Variants in SNX29 observed in about 807,000 individuals in gnomAD.
SNX29 encodes sorting nexin 29.
In SNX29, 78 loss-of-function variants were observed where a neutral mutation model predicts 102.1. The ratio of observed to expected loss-of-function variants is 0.76; its 90% confidence interval spans 0.64 to 0.92. SNX29 has a LOEUF of 0.92. Among genes scored for constraint, SNX29 ranks in the 40% least tolerant of loss-of-function variants. The probability of loss-of-function intolerance (pLI) is 0.00; values close to 1 mark genes in which losing one functional copy is unlikely to be tolerated. For synonymous variants in SNX29, 580 were observed against 414.5 expected (o/e 1.40, Z -4.85); for missense variants, 1,280 against 1,061.7 (o/e 1.21, Z -2.86).
chr16:12,336,776 C>G (rs922977289), intron 15 of SNX29, among the ~76,000 whole-genome samples: 1 of 152,124 alleles, frequency 6.6e-6, no homozygotes, highest in Non-Finnish European at 1.5e-5. Context: ...GAAACTCCGT[C>G]TCTACTAAAA....
chr16:12,100,326 T>C (rs1355320351), intron 11 of SNX29, among the ~76,000 whole-genome samples: 1 of 152,168 alleles, frequency 6.6e-6, no homozygotes, highest in African/African-American at 2.4e-5. Flanking sequence ...TACGCACTAG[T>C]TGCTGGTAGC....
chr16:11,986,056 C>T (rs1191115659), intron 1 of SNX29, among the ~76,000 whole-genome samples: 2 of 151,948 alleles, frequency 1.3e-5, no homozygotes, highest in African/African-American at 2.4e-5. Flanking sequence ...TCACTGACCT[C>T]GGGCTCCCAG....
At chr16:12,262,411 C>A (rs1248908938) in intron 14 of SNX29, among the ~76,000 whole-genome samples, 1 of 152,128 alleles carries the variant, frequency 6.6e-6, no homozygotes, top group Non-Finnish European at 1.5e-5. Context: ...AGACATTCAT[C>A]CCAAAGAGAT....
At chr16:12,171,029 CAGCTTGGAGGAG>C (rs909906485) in intron 13 of SNX29, among the ~76,000 whole-genome samples, 1 of 151,986 alleles carries the variant, frequency 6.6e-6, no homozygotes, top group Non-Finnish European at 1.5e-5. Context: ...GATCACATAG[CAGCTTGGAGGAG>C]AGCTTGGAGG....
At chr16:12,102,570 G>T (rs1037310339) in intron 11 of SNX29, among the ~76,000 whole-genome samples, 3 of 152,118 alleles carry the variant, frequency 2.0e-5, no homozygotes, top group Non-Finnish European at 4.4e-5. Context: ...GTCTTCTTTG[G>T]AGAAGTGTCT....
At chr16:12,529,957 G>C (rs1314941183) in intron 20 of SNX29, among the ~76,000 whole-genome samples, 1 of 152,202 alleles carries the variant, frequency 6.6e-6, no homozygotes, top group Non-Finnish European at 1.5e-5. Context: ...AAGGAGTGGT[G>C]ATGCCATGCA....
intron 20 of SNX29, chr16:12,527,400 C>A: frequency 4.2e-6 from 2 of 471,550 alleles, no homozygotes; most frequent in South Asian, 1.8e-5. Flanking sequence ...GAAATAAACC[C>A]CCAAAGCATA....
intron 18 of SNX29, among the ~76,000 whole-genome samples, chr16:12,444,542 C>G (rs541886840): frequency 5.9e-5 from 9 of 152,364 alleles, no homozygotes; most frequent in African/African-American, 2.2e-4. Context: ...TTTGCCTGAG[C>G]TGGATTAGGT....
chr16:12,223,076 T>A (rs1196639570), intron 14 of SNX29, among the ~76,000 whole-genome samples: 1 of 152,174 alleles, frequency 6.6e-6, no homozygotes, highest in Non-Finnish European at 1.5e-5. Context: ...TGATCTGAAA[T>A]GCGTTTCCTC....
At chr16:12,457,931 C>A (rs565436052) in intron 18 of SNX29, among the ~76,000 whole-genome samples, 1 of 152,290 alleles carries the variant, frequency 6.6e-6, no homozygotes, top group African/African-American at 2.4e-5. Context: ...TCTCTTTAAA[C>A]ATACATTAGA....
At chr16:12,408,652 C>A (rs965821829) in intron 18 of SNX29, among the ~76,000 whole-genome samples, 22 of 152,152 alleles carry the variant, frequency 1.4e-4, no homozygotes, top group African/African-American at 5.3e-4. Context: ...GAAACCCCAT[C>A]TCTACTAAAA....
At chr16:12,147,205 G>A (rs964878751) in intron 13 of SNX29, among the ~76,000 whole-genome samples, 10 of 152,232 alleles carry the variant, frequency 6.6e-5, no homozygotes, top group African/African-American at 2.4e-4. Flanking sequence ...TGAAAAATCT[G>A]CACCAAACAC....
intron 19 of SNX29, chr16:12,515,483 C>G (rs1567642221): frequency 2.1e-6 from 1 of 485,072 alleles, no homozygotes; most frequent in South Asian, 1.5e-5. Flanking sequence ...GAACTGAAAC[C>G]CATTCGCTTC....
intron 3 of SNX29, among the ~76,000 whole-genome samples, chr16:12,009,443 ATG>A (rs943273318): frequency 1.0e-4 from 15 of 146,224 alleles, no homozygotes; most frequent in Admixed American, 8.4e-4. Context: ...ATATTTTTAT[ATG>A]TGTGTGTGTA....
At chr16:12,413,575 CAG>C (rs2084494505) in intron 18 of SNX29, among the ~76,000 whole-genome samples, 2 of 110,736 alleles carry the variant, frequency 1.8e-5, no homozygotes, top group African/African-American at 5.3e-5. Context: ...TGAGAAGTGA[CAG>C]GGCCCTCGAG....
At chr16:12,055,044 A>T (rs1161566422) in intron 8 of SNX29, among the ~76,000 whole-genome samples, 1 of 152,054 alleles carries the variant, frequency 6.6e-6, no homozygotes, top group Non-Finnish European at 1.5e-5. Flanking sequence ...CTGGCATCCA[A>T]GTCTTGTGAC....
At chr16:12,085,474 G>A (rs1416877820) in intron 11 of SNX29, among the ~76,000 whole-genome samples, 4 of 152,074 alleles carry the variant, frequency 2.6e-5, no homozygotes, top group Non-Finnish European at 5.9e-5. Context: ...TTAAAGGCAC[G>A]CGCCACCACA....
At chr16:12,564,308 C>T (rs547113946) in intron 20 of SNX29, among the ~76,000 whole-genome samples, 15 of 152,212 alleles carry the variant, frequency 9.9e-5, no homozygotes, top group Admixed American at 2.6e-4. Flanking sequence ...GCTGGCTAGA[C>T]TTCACTAGTG....
intron 13 of SNX29, among the ~76,000 whole-genome samples, chr16:12,194,311 A>G (rs1466512687): frequency 1.3e-5 from 2 of 152,240 alleles, no homozygotes; most frequent in Non-Finnish European, 2.9e-5. Flanking sequence ...ATAGAAATAC[A>G]GTTGATGTTT....
Sources: gnomAD v4.1 joint callset for allele counts (sites outside exome capture counted in the v4.1 genomes callset) on GRCh38, gnomAD v4.1.1 for gene constraint, MANE v1.5 for transcripts, NCBI Gene and HGNC (gene_info 2026-07-23, HGNC 2026-07-21) for gene names.